Variants in CSMD2 observed in about 807,000 individuals in gnomAD.
The protein encoded by CSMD2 is CUB and Sushi multiple domains 2.
A neutral mutation model predicts 398.5 loss-of-function variants in CSMD2; 130 were observed. The ratio of observed to expected loss-of-function variants is 0.33; its 90% CI spans 0.28 to 0.38. The LOEUF (loss-of-function observed/expected upper bound fraction) is 0.38, where lower values mean the gene tolerates loss of function less well. Among genes scored for constraint, CSMD2 ranks in the 10% least tolerant of loss-of-function variants. The pLI, the probability that CSMD2 is intolerant of heterozygous loss-of-function variation, is 1.00. For missense variants in CSMD2, 3,829 were observed against 4,764.9 expected (o/e 0.80, Z 5.78); for synonymous variants, 1,828 against 1,908.5 (o/e 0.96, Z 1.10).
At chr1:33,915,634 G>A (rs1016883190) in intron 5 of CSMD2, among the ~76,000 whole-genome samples, 1 of 152,198 alleles carries the variant, frequency 6.6e-6, no homozygotes, top group Non-Finnish European at 1.5e-5. Context: ...AGCTGTAGGA[G>A]ACCATTTGGC....
chr1:33,573,533 A>C (rs1194028937), intron 49 of CSMD2, among the ~76,000 whole-genome samples: 5 of 152,098 alleles, frequency 3.3e-5, no homozygotes, highest in Non-Finnish European at 7.4e-5. Flanking sequence ...CAAAAAAAAA[A>C]CAAGGACAAA....
At chr1:33,603,142 A>C (rs913898459) in intron 42 of CSMD2, among the ~76,000 whole-genome samples, 1 of 152,040 alleles carries the variant, frequency 6.6e-6, no homozygotes, top group African/African-American at 2.4e-5. Context: ...TACCTCCCCC[A>C]TAGGATTGTG....
At chr1:33,784,023 C>T (rs1006832901) in intron 12 of CSMD2, among the ~76,000 whole-genome samples, 1 of 146,200 alleles carries the variant, frequency 6.8e-6, no homozygotes, top group African/African-American at 2.5e-5. Flanking sequence ...TGTCAGCAGA[C>T]TATACAGGTG....
chr1:33,717,324 G>C (rs1001753271), intron 19 of CSMD2, among the ~76,000 whole-genome samples: 2 of 152,116 alleles, frequency 1.3e-5, no homozygotes, highest in Non-Finnish European at 2.9e-5. Context: ...AGCAGGGAGG[G>C]AGATCAGTTA....
chr1:33,566,858 A>G (rs1659100018), intron 53 of CSMD2, among the ~76,000 whole-genome samples: 1 of 152,186 alleles, frequency 6.6e-6, no homozygotes, highest in African/African-American at 2.4e-5. Context: ...CACATCTCTC[A>G]GAATAAAACA....
At chr1:33,673,865 T>C (rs1351079549) in intron 25 of CSMD2, among the ~76,000 whole-genome samples, 1 of 152,172 alleles carries the variant, frequency 6.6e-6, no homozygotes, top group Non-Finnish European at 1.5e-5. Context: ...CAAACTAGCT[T>C]CATAAGTGAA....
chr1:33,614,965 TC>T (rs981013164), intron 39 of CSMD2, among the ~76,000 whole-genome samples: 3 of 151,948 alleles, frequency 2.0e-5, no homozygotes, highest in Non-Finnish European at 4.4e-5. Flanking sequence ...TCTTACCGTA[TC>T]CCCCAAATCT....
At chr1:33,885,537 G>A (rs933322546) in intron 5 of CSMD2, 3 of 152,124 alleles carry the variant, frequency 2.0e-5, no homozygotes, top group Non-Finnish European at 4.4e-5. Flanking sequence ...GGTCCCTCCT[G>A]GGAAATTATA....
intron 13 of CSMD2, among the ~76,000 whole-genome samples, chr1:33,766,057 C>G (rs892509859): frequency 6.6e-6 from 1 of 152,150 alleles, no homozygotes; most frequent in Non-Finnish European, 1.5e-5. Context: ...CCATGGCTAC[C>G]CAGCAGTCTG....
chr1:34,104,692 GTC>G (rs1306791650), intron 1 of CSMD2, among the ~76,000 whole-genome samples: 1 of 152,252 alleles, frequency 6.6e-6, no homozygotes, highest in Non-Finnish European at 1.5e-5. Flanking sequence ...GACACCTCAA[GTC>G]TACAATCAGC....
intron 25 of CSMD2, among the ~76,000 whole-genome samples, chr1:33,667,031 A>G (rs1644340833): frequency 6.6e-6 from 1 of 152,204 alleles, no homozygotes; most frequent in African/African-American, 2.4e-5. Context: ...CCGGGAAGAA[A>G]GGCAACTCCA....
At chr1:33,700,422 A>C in intron 23 of CSMD2, 95 bp downstream of exon 23, 2 of 1,374,386 alleles carry the variant, frequency 1.5e-6, no homozygotes, top group Non-Finnish European at 2.0e-6. Flanking sequence ...TTAAGAGCAC[A>C]TTCTTTGTAT....
rs996032596 is a variant in CSMD2 at position 33,546,272 on chromosome 1, T to C, written c.8918-53A>G. 42 of 1,546,456 alleles carry C rather than the reference T, an allele frequency of 2.7e-5. No individual in the cohort carries two copies. In the Middle Eastern group the frequency reaches 6.9e-4, roughly 25 times the overall value. On this transcript the variant is annotated intron_variant, in intron 56 of 70. Transcript: ENST00000373381. ...TTATTTTTCAGGGAAGAAAAGGGAG[T>C]GGAGAAGCAGGGGAGAAAGATACTG... is the stretch of plus-strand genomic sequence containing the variant.
intron 21 of CSMD2, 185 bp from the exon 22 acceptor site, chr1:33,709,443 A>G: frequency 1.8e-6 from 1 of 563,562 alleles, no homozygotes; most frequent in Non-Finnish European, 3.1e-6. Context: ...AAAAAAAAAT[A>G]CTTCCCTACC....
chr1:34,023,935 C>A (rs1323986055), intron 3 of CSMD2, among the ~76,000 whole-genome samples: 3 of 152,084 alleles, frequency 2.0e-5, no homozygotes, highest in African/African-American at 2.4e-5. Context: ...TGAATAGCAT[C>A]TCTGTGCCAG....
At chr1:33,774,805 G>A (rs1161615545) in intron 12 of CSMD2, among the ~76,000 whole-genome samples, 1 of 152,128 alleles carries the variant, frequency 6.6e-6, no homozygotes, top group Non-Finnish European at 1.5e-5. Flanking sequence ...CCATCGTGTA[G>A]GCACAGCCCT....
intron 5 of CSMD2, among the ~76,000 whole-genome samples, chr1:33,866,277 C>A (rs1640027492): frequency 6.6e-6 from 1 of 152,178 alleles, no homozygotes; most frequent in African/African-American, 2.4e-5. Flanking sequence ...CGCACTACTG[C>A]TAAGTTCCCG....
At chr1:33,772,839 C>T (rs1651468559) in intron 12 of CSMD2, 88 bp from the exon 13 acceptor site, 2 of 1,108,264 alleles carry the variant, frequency 1.8e-6, no homozygotes, top group South Asian at 1.5e-5. Context: ...AGCTCTACTG[C>T]TCTTCTGCCA....
intron 22 of CSMD2, among the ~76,000 whole-genome samples, chr1:33,704,185 G>GA (rs1367277013): frequency 6.6e-6 from 1 of 152,138 alleles, no homozygotes; most frequent in Non-Finnish European, 1.5e-5. Context: ...TTTGGTTATA[G>GA]AAACACCAGA....
Sources: gnomAD v4.1 joint callset for allele counts (sites outside exome capture counted in the v4.1 genomes callset) on GRCh38, gnomAD v4.1.1 for gene constraint, MANE v1.5 for transcripts, NCBI Gene and HGNC (gene_info 2026-07-23, HGNC 2026-07-21) for gene names.